The following MYO10 variants were observed in gnomAD, a reference collection of about 807,000 sequenced individuals.
MYO10 encodes myosin X.
In MYO10, 133 loss-of-function variants were observed where a neutral mutation model predicts 257.3. The ratio of observed to expected loss-of-function variants is 0.52; its 90% CI spans 0.45 to 0.60. The LOEUF is 0.60. Ranked by LOEUF, MYO10 falls within the 20% of genes least tolerant of loss-of-function variation. The probability of loss-of-function intolerance (pLI) is 0.00; values close to 1 mark genes in which losing one functional copy is unlikely to be tolerated. For synonymous variants in MYO10, 1,104 were observed against 1,028.6 expected (o/e 1.07, Z -1.40); for missense variants, 2,399 against 2,635.7 (o/e 0.91, Z 1.97).
chr5:16,791,851 C>A (rs976033678), intron 4 of MYO10, among the ~76,000 whole-genome samples: 2 of 152,116 alleles, frequency 1.3e-5, no homozygotes, highest in Admixed American at 1.3e-4. Flanking sequence ...GAAGAGCCCA[C>A]AAATAGTGGT....
intron 19 of MYO10, among the ~76,000 whole-genome samples, chr5:16,723,002 C>T (rs1224151584): frequency 1.3e-5 from 2 of 152,020 alleles, no homozygotes; most frequent in Non-Finnish European, 2.9e-5. Flanking sequence ...TTAAAATAAG[C>T]AAAAGATCTG....
intron 19 of MYO10, among the ~76,000 whole-genome samples, chr5:16,741,269 A>G (rs1052064566): frequency 2.0e-5 from 3 of 152,228 alleles, no homozygotes; most frequent in Non-Finnish European, 4.4e-5. Flanking sequence ...CTTGTGTGAA[A>G]CAAGCACATG....
intron 1 of MYO10, among the ~76,000 whole-genome samples, chr5:16,912,071 G>T (rs2126792869): frequency 6.6e-6 from 1 of 152,080 alleles, no homozygotes; most frequent in South Asian, 2.1e-4. Context: ...TTGTTTGTTT[G>T]TTTTTAAGCT....
At chr5:16,922,631 G>A (rs557576502) in intron 1 of MYO10, among the ~76,000 whole-genome samples, 28 of 152,268 alleles carry the variant, frequency 1.8e-4, no homozygotes, top group East Asian at 5.8e-4. Flanking sequence ...CATGGTCACC[G>A]TCTTCAGGAT....
At chr5:16,666,911 G>T in intron 40 of MYO10, 118 bp from the exon 41 acceptor site, 1 of 738,060 alleles carries the variant, frequency 1.4e-6, no homozygotes, top group Non-Finnish European at 2.2e-6. Flanking sequence ...GCTAATCGAC[G>T]GATCCCATTT....
Position 16,821,270 on chromosome 5 carries a change from T to C in MYO10, c.121-3103A>G, listed in dbSNP as rs190632320. Among the ~76,000 whole-genome samples, 1,170 of 149,206 alleles carry C rather than the reference T, an allele frequency of 7.8e-3. 6 individuals carry two copies. Among genetic ancestry groups the C allele is most frequent in the South Asian group, 0.013 (60 of 4,718 alleles). ...GTACATCCTATGTGTACCTCCTATG[T>C]GTACATCCTATGTACACATTTCATT... On this transcript the variant is annotated intron_variant, in intron 2 of 40. Coordinates refer to ENST00000513610, the MANE Select transcript of MYO10 (RefSeq NM_012334.3).
intron 14 of MYO10, among the ~76,000 whole-genome samples, chr5:16,762,966 G>A (rs1166738802): frequency 8.0e-6 from 1 of 125,138 alleles, no homozygotes; most frequent in Admixed American, 7.9e-5. Flanking sequence ...TCCGTCTCAG[G>A]GGAAAAAAAA....
At chr5:16,919,302 C>T (rs1745915214) in intron 1 of MYO10, among the ~76,000 whole-genome samples, 1 of 152,106 alleles carries the variant, frequency 6.6e-6, no homozygotes, top group Non-Finnish European at 1.5e-5. Flanking sequence ...CTCTTGAACC[C>T]AGGAGACGGA....
Position 16,818,004 on chromosome 5 carries a change from C to A in MYO10, c.279+5G>T. Reference sequence around the variant, plus strand: ...CTTTTTAAAGGAATTACAAGTGGAACTTACATATATTTGATTTCTCTTATA... The same window carrying A: ...CTTTTTAAAGGAATTACAAGTGGAAATTACATATATTTGATTTCTCTTATA... On this transcript the variant is annotated splice_donor_5th_base_variant and intron_variant, in intron 3 of 40. Coordinates refer to ENST00000513610, the MANE Select transcript of MYO10 (RefSeq NM_012334.3). The A allele has an allele frequency of 6.5e-7, 1 of 1,531,886 alleles. No homozygotes were observed. 94.9% of individuals were successfully genotyped at this position (1,531,886 alleles called of 1,614,324 possible).
chr5:16,697,466 C>T (rs528301372), intron 26 of MYO10, among the ~76,000 whole-genome samples: 11 of 152,234 alleles, frequency 7.2e-5, no homozygotes, highest in African/African-American at 2.6e-4. Flanking sequence ...CTTTGGGAGG[C>T]CAAGGAGGGC....
chr5:16,806,602 A>C (rs1022446005), intron 3 of MYO10, among the ~76,000 whole-genome samples: 1 of 151,218 alleles, frequency 6.6e-6, no homozygotes, highest in Non-Finnish European at 1.5e-5. Flanking sequence ...GAGCCAAGAT[A>C]GTGCCACTGC....
intron 19 of MYO10, among the ~76,000 whole-genome samples, chr5:16,732,112 T>A (rs1739608315): frequency 6.6e-6 from 1 of 151,970 alleles, no homozygotes; most frequent in African/African-American, 2.4e-5. Context: ...TTTGAGTAGA[T>A]CATATAAACT....
At chr5:16,858,080 A>G (rs1744009318) in intron 2 of MYO10, among the ~76,000 whole-genome samples, 1 of 152,236 alleles carries the variant, frequency 6.6e-6, no homozygotes, top group African/African-American at 2.4e-5. Context: ...TGCAGGGACA[A>G]AGACCATAGC....
intron 4 of MYO10, among the ~76,000 whole-genome samples, chr5:16,786,418 TC>T (rs1334123616): frequency 1.3e-5 from 2 of 152,176 alleles, no homozygotes; most frequent in Non-Finnish European, 2.9e-5. Flanking sequence ...GTGGAAGATC[TC>T]CTATCTGAAA....
intron 27 of MYO10, among the ~76,000 whole-genome samples, chr5:16,691,218 T>C (rs153200): frequency 0.18 from 26,222 of 146,386 alleles, 2,643 homozygotes; most frequent in East Asian, 0.3. Context: ...TGCAGTGAGC[T>C]GAGATCGCGC....
At chr5:16,735,705 C>T (rs1739768979) in intron 19 of MYO10, among the ~76,000 whole-genome samples, 1 of 151,130 alleles carries the variant, frequency 6.6e-6, no homozygotes, top group Non-Finnish European at 1.5e-5. Flanking sequence ...AAAAAAAAAC[C>T]CAAACCCAGA....
At chr5:16,715,145 CAAAAAAAAAA>C (rs58252444) in intron 19 of MYO10, among the ~76,000 whole-genome samples, 4 of 87,934 alleles carry the variant, frequency 4.5e-5, no homozygotes, top group African/African-American at 1.6e-4. Context: ...GGCAATTGGA[CAAAAAAAAAA>C]AAAAAAAAGA....
chr5:16,909,681 C>T (rs1296469903), intron 1 of MYO10, among the ~76,000 whole-genome samples: 1 of 152,066 alleles, frequency 6.6e-6, no homozygotes, highest in Admixed American at 6.6e-5. Flanking sequence ...TGGGACACAG[C>T]CAAACCACAT....
At chr5:16,698,813 C>T (rs928819302) in intron 26 of MYO10, among the ~76,000 whole-genome samples, 38 of 150,308 alleles carry the variant, frequency 2.5e-4, no homozygotes, top group Non-Finnish European at 1.5e-4. Context: ...TTAGTAGAGA[C>T]GGCGTTTCAC....
Sources: gnomAD v4.1 joint callset for allele counts (sites outside exome capture counted in the v4.1 genomes callset) on GRCh38, gnomAD v4.1.1 for gene constraint, MANE v1.5 for transcripts, NCBI Gene and HGNC (gene_info 2026-07-23, HGNC 2026-07-21) for gene names.